Variants in SPAG16 observed in about 807,000 individuals in gnomAD.
The protein encoded by SPAG16 is sperm associated antigen 16, also known as sperm-associated antigen 16 protein.
SPAG16 carries 86 observed loss-of-function variants against 80.4 expected under a neutral mutation model. That is an observed-to-expected ratio of 1.07 (90% CI 0.90 to 1.28). The LOEUF (loss-of-function observed/expected upper bound fraction) is 1.28. SPAG16 is among the 50% of genes most tolerant of loss of function. The probability of loss-of-function intolerance (pLI) is 0.00; values close to 1 mark genes in which losing one functional copy is unlikely to be tolerated. For synonymous variants in SPAG16, 294 were observed against 265.9 expected (o/e 1.11, Z -1.03); for missense variants, 870 against 765.3 (o/e 1.14, Z -1.61).
chr2:213,466,317 A>G (rs2072694206), intron 9 of SPAG16, among the ~76,000 whole-genome samples: 1 of 152,160 alleles, frequency 6.6e-6, no homozygotes, highest in Non-Finnish European at 1.5e-5. Context: ...TGATACATAA[A>G]GATTTAACAT....
intron 13 of SPAG16, among the ~76,000 whole-genome samples, chr2:214,080,652 A>C (rs1037580371): frequency 2.0e-5 from 3 of 151,826 alleles, no homozygotes; most frequent in Non-Finnish European, 4.4e-5. Context: ...AAAAAGAAAA[A>C]TTCTAACCAC....
At chr2:214,345,166 C>T (rs1270246346) in intron 15 of SPAG16, among the ~76,000 whole-genome samples, 1 of 152,126 alleles carries the variant, frequency 6.6e-6, no homozygotes, top group East Asian at 1.9e-4. Context: ...TTCCTAAATG[C>T]TTCTAGGGCT....
At chr2:213,343,137 A>G (rs2064785008) in intron 6 of SPAG16, among the ~76,000 whole-genome samples, 2 of 152,156 alleles carry the variant, frequency 1.3e-5, no homozygotes, top group African/African-American at 4.8e-5. Context: ...GGCAGGAAAC[A>G]GCACCTGGGA....
Position 213,754,679 on chromosome 2 carries a change from T to C in SPAG16, c.1071-107806T>C, listed in dbSNP as rs565546757. ...GAAACCTACGATAGTCTTACATTAGTCAAAATGAAATAAAATTAATGTATC... is the reference window on the plus strand; with the variant it reads ...GAAACCTACGATAGTCTTACATTAGCCAAAATGAAATAAAATTAATGTATC... On this transcript the variant is annotated intron_variant, in intron 10 of 15. Transcript: ENST00000331683. Among the ~76,000 whole-genome samples, 3 of 133,790 alleles carry C rather than the reference T, an allele frequency of 2.2e-5. No homozygotes were observed. In the East Asian group the frequency reaches 6.9e-4, roughly 31 times the overall value. The allele number at this position is 133,790 out of a possible 152,430, so 87.8% of individuals were successfully genotyped here. A position where few individuals can be genotyped will look rare whatever the true frequency, so the allele number is the denominator to read the frequency against.
intron 13 of SPAG16, among the ~76,000 whole-genome samples, chr2:214,058,566 A>G (rs1278856468): frequency 6.6e-6 from 1 of 152,222 alleles, no homozygotes; most frequent in Admixed American, 6.5e-5. Context: ...AAAATGTGAC[A>G]CAGAGACAAA....
chr2:213,982,952 C>A (rs929977756), intron 12 of SPAG16, among the ~76,000 whole-genome samples: 1 of 151,724 alleles, frequency 6.6e-6, no homozygotes, highest in Admixed American at 6.6e-5. Context: ...AAAATACTTG[C>A]CTGAAATTAA....
chr2:213,756,381 C>T (rs1820567), intron 10 of SPAG16, among the ~76,000 whole-genome samples: 135,457 of 152,162 alleles, frequency 0.89, 62,448 homozygotes, highest in East Asian at 1. Context: ...CCCAGCTATT[C>T]GGAAGGCTGA....
chr2:213,516,921 C>T (rs2075446559), intron 10 of SPAG16, among the ~76,000 whole-genome samples: 1 of 152,056 alleles, frequency 6.6e-6, no homozygotes, highest in Non-Finnish European at 1.5e-5. Context: ...CTGTGATCTA[C>T]CATCACCGTT....
intron 10 of SPAG16, among the ~76,000 whole-genome samples, chr2:213,666,377 G>A (rs971461096): frequency 4.0e-5 from 6 of 151,874 alleles, no homozygotes; most frequent in African/African-American, 1.5e-4. Flanking sequence ...TCTTCAGCTT[G>A]GCATATATTA....
At chr2:213,614,418 C>T (rs1480022607) in intron 10 of SPAG16, among the ~76,000 whole-genome samples, 5 of 152,246 alleles carry the variant, frequency 3.3e-5, no homozygotes, top group Non-Finnish European at 7.3e-5. Context: ...TTCTGTCACT[C>T]TGAGAGATAG....
chr2:214,167,177 T>C (rs978829749), intron 15 of SPAG16, among the ~76,000 whole-genome samples: 1 of 152,156 alleles, frequency 6.6e-6, no homozygotes, highest in South Asian at 2.1e-4. Context: ...AGCATAATTC[T>C]AACTCCGGCT....
intron 7 of SPAG16, among the ~76,000 whole-genome samples, chr2:213,360,422 A>T (rs1407983629): frequency 1.3e-5 from 2 of 152,226 alleles, no homozygotes; most frequent in Non-Finnish European, 2.9e-5. Flanking sequence ...AAGTGGCCAA[A>T]GCGACTGTCA....
chr2:213,452,139 A>G (rs564084208), intron 9 of SPAG16, among the ~76,000 whole-genome samples: 206 of 152,278 alleles, frequency 1.4e-3, no homozygotes, highest in Non-Finnish European at 2.5e-3. Context: ...TGTGTTTTTC[A>G]GCCTGATCTT....
intron 10 of SPAG16, among the ~76,000 whole-genome samples, chr2:213,555,907 G>A (rs1274622226): frequency 2.0e-5 from 3 of 152,006 alleles, no homozygotes; most frequent in Non-Finnish European, 2.9e-5. Flanking sequence ...TTTTTAAGGG[G>A]TAAAATAAAA....
intron 15 of SPAG16, among the ~76,000 whole-genome samples, chr2:214,283,087 A>G (rs1693082017): frequency 6.6e-6 from 1 of 152,110 alleles, no homozygotes; most frequent in African/African-American, 2.4e-5. Flanking sequence ...CAGCCTAGCA[A>G]ACACATAAAA....
intron 14 of SPAG16, among the ~76,000 whole-genome samples, chr2:214,121,511 T>G (rs1576276056): frequency 1.3e-5 from 2 of 151,978 alleles, no homozygotes; most frequent in South Asian, 4.1e-4. Flanking sequence ...ACATATGATC[T>G]TGAGCAAATT....
intron 10 of SPAG16, among the ~76,000 whole-genome samples, chr2:213,858,578 T>C (rs994100300): frequency 3.3e-5 from 5 of 152,234 alleles, no homozygotes; most frequent in African/African-American, 4.8e-5. Flanking sequence ...TATTGTGATA[T>C]TCACTTTGTT....
At chr2:213,993,290 G>C (rs2046368486) in intron 12 of SPAG16, among the ~76,000 whole-genome samples, 1 of 152,182 alleles carries the variant, frequency 6.6e-6, no homozygotes, top group Non-Finnish European at 1.5e-5. Context: ...TTATAACTAG[G>C]AAGCATCAAG....
chr2:213,856,136 A>G (rs2075156274), intron 10 of SPAG16, among the ~76,000 whole-genome samples: 2 of 152,188 alleles, frequency 1.3e-5, no homozygotes, highest in Non-Finnish European at 2.9e-5. Context: ...CAAATGGGAG[A>G]AATTGGCCAA....
Sources: allele counts gnomAD v4.1 joint callset (sites outside exome capture counted in the v4.1 genomes callset), GRCh38; gene constraint gnomAD v4.1.1; transcripts MANE v1.5; gene names NCBI Gene and HGNC (gene_info 2026-07-23, HGNC 2026-07-21).